FSIP1: variants seen among roughly 807,000 people sequenced by gnomAD.
The protein encoded by FSIP1 is fibrous sheath interacting protein 1, also known as fibrous sheath-interacting protein 1.
Under a neutral mutation model 60.9 loss-of-function variants are expected in FSIP1, and 65 were observed. The observed-to-expected ratio is 1.07, with a 90% confidence interval of 0.87 to 1.31. FSIP1 has a LOEUF of 1.31. Among genes scored for constraint, FSIP1 ranks in the 40% most tolerant of loss-of-function variants. The probability of loss-of-function intolerance (pLI) is 0.00; values close to 1 mark genes in which losing one functional copy is unlikely to be tolerated. For synonymous variants in FSIP1, 209 were observed against 221.2 expected, an observed-to-expected ratio of 0.94 and a Z score of 0.49; for missense variants, 675 against 665.5, an observed-to-expected ratio of 1.01 and a Z score of -0.16.
intron 10 of FSIP1, among the ~76,000 whole-genome samples, chr15:39,666,694 C>T (rs937875660): frequency 5.3e-5 from 8 of 152,252 alleles, no homozygotes; most frequent in African/African-American, 1.9e-4. Context: ...GTTTTCTTAG[C>T]GGCAGCACTG....
intron 5 of FSIP1, among the ~76,000 whole-genome samples, chr15:39,758,254 C>T (rs1221540544): frequency 1.3e-5 from 2 of 152,056 alleles, no homozygotes; most frequent in Non-Finnish European, 2.9e-5. Flanking sequence ...AATGTCTTGC[C>T]TTCCAGGACC....
At chr15:39,748,770 A>C (rs1040778993) in intron 5 of FSIP1, among the ~76,000 whole-genome samples, 4 of 152,188 alleles carry the variant, frequency 2.6e-5, no homozygotes, top group Non-Finnish European at 5.9e-5. Context: ...TGCAAAAATA[A>C]CAAACTAAAC....
rs561164752 is a variant in FSIP1, at chr15:39,715,231, T to C, written c.1051-1650A>G. Reference sequence around the variant, plus strand: ...TCAAATGTGCAGCAATATTCACTACTACCAGTTCCCCCAATTCCAACCCTC... The same window carrying C: ...TCAAATGTGCAGCAATATTCACTACCACCAGTTCCCCCAATTCCAACCCTC... On this transcript the variant is annotated intron_variant, in intron 9 of 11. Transcript: ENST00000350221. Among the ~76,000 whole-genome samples, 214 of 152,222 alleles carry C rather than the reference T, an allele frequency of 1.4e-3. 1 individual carries two copies. The highest frequency in any genetic ancestry group is 2.8e-3 in the Non-Finnish European group (189 of 68,000).
At chr15:39,684,196 A>G (rs1057502992) in intron 10 of FSIP1, among the ~76,000 whole-genome samples, 1 of 152,238 alleles carries the variant, frequency 6.6e-6, no homozygotes, top group Admixed American at 6.5e-5. Context: ...ATTTAATATA[A>G]AGCAACAGCA....
chr15:39,662,719 G>GA lies in FSIP1; in HGVS notation c.1189-44475dup, dbSNP rs36116816. 3.9e-4 allele frequency among the ~76,000 whole-genome samples: 58 copies of GA among 147,380 alleles called. No homozygotes were observed. The East Asian group carries it at 4.9e-3, about 13-fold the overall frequency. On this transcript the variant is annotated intron_variant, in intron 10 of 11. Transcript: ENST00000350221. Reference sequence around the variant, plus strand: ...GTTAAGAAAAACCCACTAAGTCACTGAAAAAAAAAAAAAGACTATAATTAA... The same window carrying GA: ...GTTAAGAAAAACCCACTAAGTCACTGAAAAAAAAAAAAAAGACTATAATTAA...
chr15:39,703,360 T>C (rs1342766619), intron 10 of FSIP1, among the ~76,000 whole-genome samples: 1 of 151,804 alleles, frequency 6.6e-6, no homozygotes, highest in Non-Finnish European at 1.5e-5. Flanking sequence ...ACACCTTCTA[T>C]AACATATCAT....
intron 10 of FSIP1, among the ~76,000 whole-genome samples, chr15:39,650,162 C>T (rs1406445176): frequency 6.6e-6 from 1 of 152,204 alleles, no homozygotes; most frequent in Non-Finnish European, 1.5e-5. Context: ...GGACAGGTTT[C>T]TCTACTATGG....
chr15:39,765,241 CTT>C (rs71132116), intron 4 of FSIP1, among the ~76,000 whole-genome samples: 35 of 115,142 alleles, frequency 3.0e-4, no homozygotes, highest in Admixed American at 5.8e-4. Flanking sequence ...GAAATTCTTT[CTT>C]TTTTTTTTTT....
At chr15:39,748,869 T>A (rs1156830707) in intron 5 of FSIP1, among the ~76,000 whole-genome samples, 1 of 151,720 alleles carries the variant, frequency 6.6e-6, no homozygotes, top group Non-Finnish European at 1.5e-5. Flanking sequence ...GAGAAATCAA[T>A]AAAGCTAAGA....
At chr15:39,605,741 G>GA (rs1358698768) in intron 11 of FSIP1, among the ~76,000 whole-genome samples, 1 of 152,190 alleles carries the variant, frequency 6.6e-6, no homozygotes, top group Non-Finnish European at 1.5e-5. Flanking sequence ...GCCTTTTATG[G>GA]AAAAATCTCC....
At position 39,609,364 on chromosome 15, in the gene FSIP1, G is replaced by A. The variant is rs74008645; in HGVS notation, c.1699+8371C>T. ...TCCCCAGGCCAGGCAGCAAGGGCAG[G>A]TCAGTGATTACCTAAGGAGGGTAGC... is the stretch of plus-strand genomic sequence containing the variant. On this transcript the variant is annotated intron_variant, in intron 11 of 11. Transcript: ENST00000350221. Among the ~76,000 whole-genome samples, 483 of 152,280 alleles carry A rather than the reference G, an allele frequency of 3.2e-3. 3 individuals are homozygous for A. The highest frequency in any genetic ancestry group is 6.8e-3 in the Middle Eastern group (2 of 292).
chr15:39,619,524 T>G (rs1165321340), intron 10 of FSIP1, among the ~76,000 whole-genome samples: 4 of 152,068 alleles, frequency 2.6e-5, no homozygotes, highest in African/African-American at 9.7e-5. Flanking sequence ...GACCCTAAGG[T>G]TAATATATAT....
intron 11 of FSIP1, among the ~76,000 whole-genome samples, chr15:39,605,831 T>G (rs1890804005): frequency 6.6e-6 from 1 of 152,370 alleles, no homozygotes; most frequent in African/African-American, 2.4e-5. Flanking sequence ...AATGTTCTCA[T>G]TTGATCCTCA....
intron 10 of FSIP1, among the ~76,000 whole-genome samples, chr15:39,691,498 T>C (rs1336249839): frequency 6.6e-6 from 1 of 152,184 alleles, no homozygotes; most frequent in African/African-American, 2.4e-5. Context: ...CTCTGGACAG[T>C]GTACAGTGAC....
intron 9 of FSIP1, among the ~76,000 whole-genome samples, chr15:39,715,649 T>TC (rs1203690547): frequency 6.6e-6 from 1 of 152,224 alleles, no homozygotes; most frequent in African/African-American, 2.4e-5. Flanking sequence ...TCTAGAAGCA[T>TC]CCTGATATCG....
intron 10 of FSIP1, among the ~76,000 whole-genome samples, chr15:39,699,748 C>G (rs1052171616): frequency 6.6e-6 from 1 of 152,196 alleles, no homozygotes; most frequent in African/African-American, 2.4e-5. Flanking sequence ...ACTCCTGTCA[C>G]CCATCTGATC....
At chr15:39,750,738 T>C (rs868388142) in intron 5 of FSIP1, among the ~76,000 whole-genome samples, 1 of 152,094 alleles carries the variant, frequency 6.6e-6, no homozygotes. Context: ...CAATTATTTC[T>C]TGGGTATCAC....
intron 9 of FSIP1, among the ~76,000 whole-genome samples, chr15:39,721,411 G>A (rs1483542973): frequency 2.0e-5 from 3 of 152,204 alleles, no homozygotes; most frequent in Non-Finnish European, 4.4e-5. Context: ...TGCTCCCGCA[G>A]CATACACTTT....
chr15:39,618,362 A>C, intron 10 of FSIP1, 117 bp from the exon 11 acceptor site: 1 of 747,008 alleles, frequency 1.3e-6, no homozygotes, highest in Non-Finnish European at 2.1e-6. Context: ...AACACATAAA[A>C]ATAGAAAAAT....
Sources: allele counts gnomAD v4.1 joint callset (sites outside exome capture counted in the v4.1 genomes callset), GRCh38; gene constraint gnomAD v4.1.1; transcripts MANE v1.5; gene names NCBI Gene and HGNC (gene_info 2026-07-23, HGNC 2026-07-21).